CFAP97: variants seen among roughly 807,000 people sequenced by gnomAD.
CFAP97 encodes cilia and flagella associated protein 97.
Under a neutral mutation model 43.1 loss-of-function variants are expected in CFAP97, and 36 were observed. The ratio of observed to expected loss-of-function variants is 0.84; its 90% CI spans 0.64 to 1.10. The LOEUF (loss-of-function observed/expected upper bound fraction) is 1.10, where lower values mean the gene tolerates loss of function less well. CFAP97 is among the 50% of genes least tolerant of loss of function. The pLI, the probability that CFAP97 is intolerant of heterozygous loss-of-function variation, is 0.00. For synonymous variants in CFAP97, 228 were observed against 225.7 expected (o/e 1.01, Z -0.09); for missense variants, 657 against 620.3 (o/e 1.06, Z -0.63).
chr4:185,201,053 G>A (rs992612325), intron 1 of CFAP97, among the ~76,000 whole-genome samples: 1 of 152,206 alleles, frequency 6.6e-6, no homozygotes, highest in African/African-American at 2.4e-5. Context: ...GCTCGGTGCT[G>A]TGGCTCACGC....
intron 1 of CFAP97, among the ~76,000 whole-genome samples, chr4:185,195,751 T>C (rs1261825255): frequency 6.6e-6 from 1 of 152,110 alleles, no homozygotes; most frequent in African/African-American, 2.4e-5. Context: ...CATAATCTAA[T>C]TTTGCCCACT....
intron 2 of CFAP97, among the ~76,000 whole-genome samples, chr4:185,181,694 T>TTC (rs1223404308): frequency 3.3e-5 from 5 of 152,196 alleles, no homozygotes; most frequent in Non-Finnish European, 7.3e-5. Context: ...CTTTTAAGAG[T>TTC]TTGAAGTATT....
At chr4:185,200,806 G>A (rs747138979) in intron 1 of CFAP97, among the ~76,000 whole-genome samples, 23 of 152,056 alleles carry the variant, frequency 1.5e-4, no homozygotes, top group Non-Finnish European at 3.1e-4. Context: ...AAAATAAGTG[G>A]TGCCTCAAGA....
intron 3 of CFAP97, among the ~76,000 whole-genome samples, chr4:185,168,170 A>G (rs543042222): frequency 6.6e-6 from 1 of 152,290 alleles, no homozygotes; most frequent in Non-Finnish European, 1.5e-5. Context: ...TACATTGCTC[A>G]TAACAAATAC....
At chr4:185,173,931 T>C (rs1472314162) in intron 3 of CFAP97, among the ~76,000 whole-genome samples, 1 of 152,102 alleles carries the variant, frequency 6.6e-6, no homozygotes, top group Non-Finnish European at 1.5e-5. Flanking sequence ...ACCAAAACCA[T>C]TGAATGTGTA....
rs189480887 is a variant in CFAP97, at chr4:185,165,220, G to A, written c.1321-1041C>T. Among the ~76,000 whole-genome samples the A allele has an allele frequency of 2.6e-5, 4 of 152,270 alleles. No individual in the cohort carries two copies. The East Asian group carries it at 5.8e-4, about 22-fold the overall frequency. On this transcript the variant is annotated intron_variant, in intron 3 of 4. Transcript: ENST00000458385. Reference sequence around the variant, plus strand: ...CCCAGCACTTTGGGGAGCCCGGGGCGGGTGGATGACCTGCTTGAGTTCAGG... The same window carrying A: ...CCCAGCACTTTGGGGAGCCCGGGGCAGGTGGATGACCTGCTTGAGTTCAGG...
chr4:185,183,208 T>A (rs550547784), intron 2 of CFAP97, among the ~76,000 whole-genome samples: 2 of 152,264 alleles, frequency 1.3e-5, no homozygotes, highest in East Asian at 3.9e-4. Context: ...ACTTGCAAAA[T>A]TTTTTACTTA....
chr4:185,164,151 T>G lies in CFAP97; in HGVS notation c.1349A>C (p.Lys450Thr), dbSNP rs750606856. The G allele has an allele frequency of 1.2e-4, 191 of 1,613,886 alleles. No individual in the cohort carries two copies. Among genetic ancestry groups the G allele is most frequent in the Non-Finnish European group, 1.5e-4 (172 of 1,179,874 alleles). Residue 450 changes from lysine (K) to threonine (T), a missense_variant, in exon 4 of 5, where the codon AAA becomes ACA. Transcript: ENST00000458385. Reference protein sequence around the residue: ...LALLKRLEAVKPTVGMKRSEQ... With the variant: ...LALLKRLEAVTPTVGMKRSEQ... Reference sequence around the variant, plus strand: ...TGAACGTTTCATACCAACTGTTGGTTTCACGGCCTCAAGCCTTTTCAATAA... The same window carrying G: ...TGAACGTTTCATACCAACTGTTGGTGTCACGGCCTCAAGCCTTTTCAATAA...
chr4:185,184,508 C>A (rs2111369822), intron 2 of CFAP97, among the ~76,000 whole-genome samples: 1 of 152,294 alleles, frequency 6.6e-6, no homozygotes, highest in South Asian at 2.1e-4. Flanking sequence ...GTCTCTTCCT[C>A]TGGACACTGT....
intron 3 of CFAP97, chr4:185,169,119 T>C (rs1735184187): frequency 6.6e-6 from 1 of 152,208 alleles, no homozygotes; most frequent in Non-Finnish European, 1.5e-5. Flanking sequence ...AGGTACAAAG[T>C]TCCAGTCATG....
upstream of CFAP97, among the ~76,000 whole-genome samples, chr4:185,207,059 T>C (rs1461139382): frequency 6.6e-6 from 1 of 152,154 alleles, no homozygotes; most frequent in Non-Finnish European, 1.5e-5. Context: ...CACAGCTGAT[T>C]GGACGGTTGC....
chr4:185,169,725 C>A, intron 3 of CFAP97: 2 of 985,312 alleles, frequency 2.0e-6, no homozygotes, highest in Non-Finnish European at 2.4e-6. Flanking sequence ...GTTTCTAGAG[C>A]GATGAAGCAA....
intron 2 of CFAP97, among the ~76,000 whole-genome samples, chr4:185,181,849 G>A (rs1195412160): frequency 2.6e-5 from 4 of 152,300 alleles, no homozygotes; most frequent in Middle Eastern, 6.8e-3. Context: ...CAGGCAGGAC[G>A]TGCTGGTAGC....
intron 1 of CFAP97, among the ~76,000 whole-genome samples, chr4:185,202,797 C>T (rs1736937080): frequency 6.6e-6 from 1 of 152,102 alleles, no homozygotes; most frequent in Non-Finnish European, 1.5e-5. Flanking sequence ...TAATAATATC[C>T]AACAGAGTTA....
intron 1 of CFAP97, among the ~76,000 whole-genome samples, chr4:185,202,808 C>T (rs1466951623): frequency 6.6e-6 from 1 of 152,158 alleles, no homozygotes; most frequent in Admixed American, 6.5e-5. Context: ...AACAGAGTTA[C>T]TGTAAAGATT....
intron 3 of CFAP97, chr4:185,169,587 T>G (rs191227064): frequency 1.0e-6 from 1 of 979,316 alleles, no homozygotes; most frequent in East Asian, 1.1e-4. Flanking sequence ...AACATTTATT[T>G]TATATCCAGG....
rs1170685798 is a variant in CFAP97, at chr4:185,203,909, G to A, written c.-28C>T. 6.6e-6 allele frequency: 1 copy of A among 151,772 alleles called. No homozygotes were observed. The highest frequency in any genetic ancestry group is 1.5e-5 in the Non-Finnish European group (1 of 67,932). The allele number at this position is 151,772 out of a possible 1,614,324, so 9.4% of individuals were successfully genotyped here. On this transcript the variant is annotated 5_prime_UTR_variant, in exon 1 of 5. Transcript: ENST00000458385. ...CGCGCGCCCCTCACCTGAGAGCCGCGGCCACCACAGCCCCACGCGCGGCGC... is the reference window on the plus strand; with the variant it reads ...CGCGCGCCCCTCACCTGAGAGCCGCAGCCACCACAGCCCCACGCGCGGCGC...
chr4:185,198,907 A>AC (rs1486167281), intron 1 of CFAP97, among the ~76,000 whole-genome samples: 1 of 152,224 alleles, frequency 6.6e-6, no homozygotes, highest in East Asian at 1.9e-4. Flanking sequence ...TCCAGTGCAG[A>AC]CGAAACAGCC....
chr4:185,174,299 T>G (rs1264015515), intron 3 of CFAP97, among the ~76,000 whole-genome samples: 1 of 152,216 alleles, frequency 6.6e-6, no homozygotes, highest in East Asian at 1.9e-4. Flanking sequence ...GAACAAATCT[T>G]GAATACTGCG....
Sources: allele counts gnomAD v4.1 joint callset (sites outside exome capture counted in the v4.1 genomes callset), GRCh38; gene constraint gnomAD v4.1.1; transcripts MANE v1.5; gene names NCBI Gene and HGNC (gene_info 2026-07-23, HGNC 2026-07-21).